The following CPN2 variants were observed in gnomAD, a reference collection of about 807,000 sequenced individuals.
CPN2 encodes the protein carboxypeptidase N subunit 2.
For missense variants in CPN2, 620 were observed against 671.4 expected, an observed-to-expected ratio of 0.92 and a Z score of 0.85; for synonymous variants, 336 against 318.4, an observed-to-expected ratio of 1.06 and a Z score of -0.59.
Position 194,342,151 on chromosome 3 carries a change from G to C in CPN2, c.552C>G (p.Leu184=), listed in dbSNP as rs1160353928. The change falls in exon 2 of 2, where the codon CTC becomes CTG. Residue 184 remains leucine (L), a synonymous_variant. Coordinates refer to ENST00000323830, the MANE Select transcript of CPN2 (RefSeq NM_001080513.4). The part of the protein sequence containing the change: ...LNLAQNLLAQ[L]PEELFHPLTS... ...TGAGTGGGTGGAACAGCTCCTCCGG[G>C]AGCTGGGCCAGGAGGTTCTGGGCCA... is the stretch of plus-strand genomic sequence containing the variant. 1.2e-6 allele frequency: 2 copies of C among 1,613,996 alleles called. No homozygotes were observed. The highest frequency in any genetic ancestry group is 2.7e-5 in the African/African-American group (2 of 74,922).
chr3:194,345,564 T>A (rs1012591864), intron 1 of CPN2, among the ~76,000 whole-genome samples: 4 of 152,240 alleles, frequency 2.6e-5, no homozygotes, highest in Admixed American at 1.3e-4. Flanking sequence ...CATTGGTCAT[T>A]GTTTCTCAAA....
chr3:194,341,426 C>T lies in CPN2; in HGVS notation c.1277G>A (p.Gly426Asp), dbSNP rs781400689. Residue 426 changes from glycine to aspartate, a missense_variant, in exon 2 of 2, where the codon GGC becomes GAC. Coordinates refer to ENST00000323830, the MANE Select transcript of CPN2 (RefSeq NM_001080513.4). ...RLLNIQTYCA[G>D]PAYLKGQVVP... ...CACCTGGCCTTTGAGGTAGGCAGGG[C>T]CAGCGCAGTAGGTCTGGATGTTCAG... The T allele has an allele frequency of 2.5e-5, 40 of 1,614,036 alleles. No homozygotes were observed. Among genetic ancestry groups the T allele is most frequent in the Non-Finnish European group, 1.9e-5 (23 of 1,180,050 alleles).
intron 1 of CPN2, among the ~76,000 whole-genome samples, 192 bp from the exon 2 acceptor site, chr3:194,342,897 G>C (rs2108647528): frequency 6.6e-6 from 1 of 152,260 alleles, no homozygotes; most frequent in South Asian, 2.1e-4. Flanking sequence ...GAAGTGGAAA[G>C]GAGACAAAAA....
rs548812561 is a variant in CPN2, at chr3:194,343,657, T to C, written c.-3-952A>G. On this transcript the variant is annotated intron_variant, in intron 1 of 1. Transcript: ENST00000323830. ...TCCATGAGTTCAAATCTGAGGTCCA[T>C]TGCTTTCTAGCTACGTGACCTTGGG... 5.3e-5 allele frequency among the ~76,000 whole-genome samples: 8 copies of C among 152,366 alleles called. No individual in the cohort carries two copies. In the East Asian group the frequency reaches 1.4e-3, roughly 26 times the overall value.
chr3:194,342,719 G>T lies in CPN2; in HGVS notation c.-3-14C>A. The T allele has an allele frequency of 1.8e-6, 2 of 1,116,002 alleles. No homozygotes were observed. Among genetic ancestry groups the T allele is most frequent in the South Asian group, 1.4e-5 (1 of 72,298 alleles). 69.1% of individuals were successfully genotyped at this position (1,116,002 alleles called of 1,614,324 possible). A position where few individuals can be genotyped will look rare whatever the true frequency, so the allele number is the denominator to read the frequency against. On this transcript the variant is annotated splice_polypyrimidine_tract_variant and intron_variant, in intron 1 of 1. Coordinates refer to ENST00000323830, the MANE Select transcript of CPN2 (RefSeq NM_001080513.4). ...AGGGAGCATCTTCTAGATTCGAGGAGGGAGAGAGAACAGGAAGAGAAACTT... is the reference window on the plus strand; with the variant it reads ...AGGGAGCATCTTCTAGATTCGAGGATGGAGAGAGAACAGGAAGAGAAACTT...
chr3:194,341,688 A>C lies in CPN2; in HGVS notation c.1015T>G (p.Leu339Val). The part of the protein sequence containing the change: ...PAGIFRDLEE[L>V]VKLYLGSNNL... ...TTGCTGCCCAGGTAGAGTTTGACCA[A>C]CTCCTCCAGGTCTCTGAAGATGCCA... The change falls in exon 2 of 2, where the codon TTG (leucine) becomes GTG (valine). Residue 339 changes from leucine (L) to valine (V), a missense_variant. Physicochemically the swap from Leu to Val is conservative, Grantham distance 32. Transcript: ENST00000323830. 1.2e-6 allele frequency: 2 copies of C among 1,613,688 alleles called. No individual in the cohort carries two copies. The highest frequency in any genetic ancestry group is 1.7e-6 in the Non-Finnish European group (2 of 1,179,932).
chr3:194,350,802 C>CA (rs1299637959), intron 1 of CPN2, among the ~76,000 whole-genome samples: 2 of 151,692 alleles, frequency 1.3e-5, no homozygotes, highest in Non-Finnish European at 2.9e-5. Context: ...CCAGCCTGAG[C>CA]AACATAACAA....
At chr3:194,346,335 C>T (rs114659910) in intron 1 of CPN2, among the ~76,000 whole-genome samples, 3,929 of 152,346 alleles carry the variant, frequency 0.026, 165 homozygotes, top group African/African-American at 0.086. Flanking sequence ...GACATGTGCC[C>T]TTGGCACCCC....
At chr3:194,350,069 TG>T (rs1169364593) in intron 1 of CPN2, among the ~76,000 whole-genome samples, 1 of 152,164 alleles carries the variant, frequency 6.6e-6, no homozygotes, top group Non-Finnish European at 1.5e-5. Context: ...CCCAAAGTGC[TG>T]GGATTACAGG....
intron 1 of CPN2, among the ~76,000 whole-genome samples, chr3:194,345,976 G>A (rs540152601): frequency 1.1e-4 from 17 of 152,374 alleles, no homozygotes; most frequent in African/African-American, 4.1e-4. Flanking sequence ...GGCACAGAAA[G>A]TCTAGTACAG....
At position 194,341,523 on chromosome 3, in the gene CPN2, C is replaced by T. The variant is rs756493819; in HGVS notation, c.1180G>A (p.Gly394Ser). ...TGGCAGTCGCACTGCCAGGGGTTAC[C>T]GTGCAGGGCCAGGTTGAACAGGTTG... is the stretch of plus-strand genomic sequence containing the variant. ...NYNLFNLALH[G>S]NPWQCDCHLA... The change falls in exon 2 of 2, where the codon GGT becomes AGT. Residue 394 changes from glycine (G) to serine (S), a missense_variant. Coordinates refer to ENST00000323830, the MANE Select transcript of CPN2 (RefSeq NM_001080513.4). The T allele has an allele frequency of 1.1e-5, 18 of 1,614,040 alleles. No individual in the cohort carries two copies. Among genetic ancestry groups the T allele is most frequent in the South Asian group, 3.3e-5 (3 of 91,088 alleles).
In CPN2 at chr3:194,341,214, C is replaced by A. The variant is rs1223620703; in HGVS notation, c.1489G>T (p.Ala497Ser). 1 of 1,613,598 alleles carries A rather than the reference C, an allele frequency of 6.2e-7. No individual in the cohort carries two copies. The highest frequency in any genetic ancestry group is 1.7e-5 in the Admixed American group (1 of 60,024). The part of the protein sequence containing the change: ...EGTVVLACDQ[A>S]QCRWLNVQLS... ...TGGACGTTCAGCCAGCGACACTGGG[C>A]CTGGTCACAGGCGAGCACCACGGTG... The change falls in exon 2 of 2, where the codon GCC (alanine) becomes TCC (serine). Residue 497 changes from alanine to serine, a missense_variant. Ala to Ser is a moderately conservative substitution (Grantham distance 99). Transcript: ENST00000323830.
rs200509371 is a variant in CPN2, at chr3:194,342,711, T to C, written c.-3-6A>G. 1.3e-4 allele frequency: 153 copies of C among 1,197,148 alleles called. 2 individuals are homozygous for C. The Middle Eastern group carries it at 7.6e-3, about 60-fold the overall frequency. The allele number at this position is 1,197,148 out of a possible 1,614,324, so 74.2% of individuals were successfully genotyped here. A position where few individuals can be genotyped will look rare whatever the true frequency, so the allele number is the denominator to read the frequency against. ...CAGGCTCCAGGGAGCATCTTCTAGA[T>C]TCGAGGAGGGAGAGAGAACAGGAAG... On this transcript the variant is annotated splice_region_variant and splice_polypyrimidine_tract_variant and intron_variant, in intron 1 of 1. Transcript: ENST00000323830.
chr3:194,350,465 T>C (rs1713228485), intron 1 of CPN2, among the ~76,000 whole-genome samples: 1 of 152,178 alleles, frequency 6.6e-6, no homozygotes, highest in African/African-American at 2.4e-5. Flanking sequence ...TCACTCCAAC[T>C]CTCTAAGCCT....
At position 194,341,910 on chromosome 3, in the gene CPN2, C is replaced by T; in HGVS notation, c.793G>A (p.Gly265Ser). 1 of 1,614,130 alleles carries T rather than the reference C, an allele frequency of 6.2e-7. No homozygotes were observed. The highest frequency in any genetic ancestry group is 8.5e-7 in the Non-Finnish European group (1 of 1,180,028). The change falls in exon 2 of 2, where the codon GGT becomes AGT. Residue 265 changes from glycine (G) to serine (S), a missense_variant. Physicochemically the swap from Gly to Ser is moderately conservative, Grantham distance 56. Transcript: ENST00000323830. The stretch of plus-strand genomic sequence containing the variant: ...TGCAAGCTCAGAAAGGTCAGATTAC[C>T]CAGGGAGGCAAAGATGGAGAGCGGC... ...HLPLSIFASL[G>S]NLTFLSLQWN...
intron 1 of CPN2, among the ~76,000 whole-genome samples, chr3:194,343,521 C>A (rs145563002): frequency 2.0e-5 from 3 of 152,350 alleles, no homozygotes; most frequent in Non-Finnish European, 4.4e-5. Flanking sequence ...TGCCACATAG[C>A]AAGACCAGCT....
At chr3:194,345,392 T>A (rs1300076149) in intron 1 of CPN2, among the ~76,000 whole-genome samples, 3 of 152,216 alleles carry the variant, frequency 2.0e-5, no homozygotes, top group Non-Finnish European at 4.4e-5. Context: ...AGTGGCACGA[T>A]CATAGCTCAC....
intron 1 of CPN2, among the ~76,000 whole-genome samples, chr3:194,346,689 T>C (rs1004071212): frequency 3.3e-5 from 5 of 152,212 alleles, no homozygotes; most frequent in African/African-American, 1.2e-4. Context: ...GAGGATGTTA[T>C]GAGGATGGAA....
chr3:194,345,761 C>G (rs541718022), intron 1 of CPN2, among the ~76,000 whole-genome samples: 2 of 152,324 alleles, frequency 1.3e-5, no homozygotes, highest in South Asian at 4.1e-4. Context: ...AAAACAGGGC[C>G]AAAGCCGGAG....
Sources: allele counts gnomAD v4.1 joint callset (sites outside exome capture counted in the v4.1 genomes callset), GRCh38; gene constraint gnomAD v4.1.1; transcripts MANE v1.5; gene names NCBI Gene and HGNC (gene_info 2026-07-23, HGNC 2026-07-21).